The following CLTC variants were observed in gnomAD, a reference collection of about 807,000 sequenced individuals.
CLTC encodes clathrin heavy chain, also known as clathrin heavy chain 1.
Under a neutral mutation model 195.8 loss-of-function variants are expected in CLTC, and 16 were observed. The ratio of observed to expected loss-of-function variants is 0.08; its 90% CI spans 0.06 to 0.12. The LOEUF (loss-of-function observed/expected upper bound fraction) is 0.12. Ranked by LOEUF, CLTC falls within the 10% of genes least tolerant of loss-of-function variation. The pLI, the probability that CLTC is intolerant of heterozygous loss-of-function variation, is 1.00. For missense variants in CLTC, 796 were observed against 2,027.0 expected (o/e 0.39, Z 11.66); for synonymous variants, 667 against 689.4 (o/e 0.97, Z 0.51).
intron 6 of CLTC, among the ~76,000 whole-genome samples, chr17:59,656,708 C>CT (rs1567950676): frequency 1.7e-5 from 2 of 114,962 alleles, no homozygotes; most frequent in Non-Finnish European, 3.3e-5. Flanking sequence ...GAGTCTTGCT[C>CT]TGTCACCCAG....
Position 59,648,194 on chromosome 17 carries a change from T to G in CLTC, c.520-46T>G, listed in dbSNP as rs1330650455. 6.5e-7 allele frequency: 1 copy of G among 1,538,166 alleles called. No individual in the cohort carries two copies. The highest frequency in any genetic ancestry group is 8.8e-7 in the Non-Finnish European group (1 of 1,135,608). On this transcript the variant is annotated intron_variant, in intron 3 of 31. Coordinates refer to ENST00000269122, the MANE Select transcript of CLTC (RefSeq NM_004859.4). The surrounding 1 kb of genome is among the most constrained non-coding windows in gnomAD (Gnocchi z 4.5). ...TCATTACTTGATGAATCTGAGAGTT[T>G]TTGATTTATGGGTCTTCAAACGTTA... is the stretch of plus-strand genomic sequence containing the variant.
chr17:59,661,029 C>A (rs1376732055), intron 7 of CLTC, among the ~76,000 whole-genome samples: 1 of 150,158 alleles, frequency 6.7e-6, no homozygotes, highest in East Asian at 2.0e-4. Flanking sequence ...GAATTAACAC[C>A]TTACATTCCT....
At chr17:59,659,765 A>G (rs918986496) in intron 6 of CLTC, among the ~76,000 whole-genome samples, 1 of 151,906 alleles carries the variant, frequency 6.6e-6, no homozygotes, top group Non-Finnish European at 1.5e-5. Context: ...TCAAGCACCT[A>G]CCATGTTCCT....
intron 1 of CLTC, among the ~76,000 whole-genome samples, chr17:59,642,546 C>T (rs1187807508): frequency 1.3e-5 from 2 of 152,158 alleles, no homozygotes; most frequent in Admixed American, 1.3e-4. Flanking sequence ...CTTAAGGAGT[C>T]TAAGGACCCT....
At chr17:59,691,811 GATGTTTGAC>G (rs2143616818) in intron 31 of CLTC, among the ~76,000 whole-genome samples, 1 of 151,896 alleles carries the variant, frequency 6.6e-6, no homozygotes, top group African/African-American at 2.4e-5. Flanking sequence ...ATGGGAGCAA[GATGTTTGAC>G]ATGTTTGAGA....
chr17:59,636,670 T>C (rs1232954982), intron 1 of CLTC, among the ~76,000 whole-genome samples: 1 of 152,196 alleles, frequency 6.6e-6, no homozygotes, highest in East Asian at 1.9e-4. Context: ...TGCTTGTATT[T>C]GTTTCTTTTG....
At chr17:59,630,608 A>G (rs2031684690) in intron 1 of CLTC, among the ~76,000 whole-genome samples, 2 of 152,230 alleles carry the variant, frequency 1.3e-5, no homozygotes, top group Admixed American at 1.3e-4. Flanking sequence ...GCAACTGCTA[A>G]TTTGCTTTTT....
chr17:59,649,810 T>C (rs1468278072), intron 4 of CLTC, among the ~76,000 whole-genome samples: 1 of 152,198 alleles, frequency 6.6e-6, no homozygotes, highest in African/African-American at 2.4e-5. Flanking sequence ...AGCACTGATA[T>C]TTAGATCTGA....
At chr17:59,680,659 GATA>G (rs2033063782) in intron 18 of CLTC, among the ~76,000 whole-genome samples, 1 of 152,150 alleles carries the variant, frequency 6.6e-6, no homozygotes, top group Admixed American at 6.5e-5. Flanking sequence ...CCATTAAAGT[GATA>G]ATGATGATTG....
rs746912668 is a variant in CLTC at position 59,655,841 on chromosome 17, T to C, written c.796-13T>C. 2 of 1,521,986 alleles carry C rather than the reference T, an allele frequency of 1.3e-6. No homozygotes were observed. Among genetic ancestry groups the C allele is most frequent in the East Asian group, 2.5e-5 (1 of 40,448 alleles). 94.3% of individuals were successfully genotyped at this position (1,521,986 alleles called of 1,614,324 possible). A position where few individuals can be genotyped will look rare whatever the true frequency, so the allele number is the denominator to read the frequency against. On this transcript the variant is annotated splice_polypyrimidine_tract_variant and intron_variant, in intron 5 of 31. Coordinates refer to ENST00000269122, the MANE Select transcript of CLTC (RefSeq NM_004859.4). ...TTCATTATTTTACTAAAGTGTTGAT[T>C]TTCTTTCTGTAGATCAGTGAAAAGC...
rs2033437310 is a variant in CLTC at position 59,696,747 on chromosome 17, T to A, written c.*2895T>A. ...AACTACGTTCACTTTACAGTTACCA[T>A]AAATTCTTACTTGGGCCCACCCATT... On this transcript the variant is annotated 3_prime_UTR_variant, in exon 32 of 32. Coordinates refer to ENST00000269122, the MANE Select transcript of CLTC (RefSeq NM_004859.4). 1 of 206,458 alleles carries A rather than the reference T, an allele frequency of 4.8e-6. No homozygotes were observed. Among genetic ancestry groups the A allele is most frequent in the East Asian group, 7.3e-5 (1 of 13,634 alleles). The allele number at this position is 206,458 out of a possible 1,614,324, so 12.8% of individuals were successfully genotyped here.
chr17:59,666,668 G>A lies in CLTC; in HGVS notation c.1947+24G>A, dbSNP rs746785989. 3 of 1,600,670 alleles carry A rather than the reference G, an allele frequency of 1.9e-6. No homozygotes were observed. In the Middle Eastern group the frequency reaches 5.0e-4, roughly 267 times the overall value. On this transcript the variant is annotated intron_variant, in intron 12 of 31. Transcript: ENST00000269122. The surrounding 1 kb of genome is among the most constrained non-coding windows in gnomAD (Gnocchi z 4.9). Reference sequence around the variant, plus strand: ...AGGTATTTCAGTTTCTTACCTAATAGATGGTGTTAGTTGTGATTAATAGGT... The same window carrying A: ...AGGTATTTCAGTTTCTTACCTAATAAATGGTGTTAGTTGTGATTAATAGGT...
intron 7 of CLTC, among the ~76,000 whole-genome samples, chr17:59,661,179 A>T (rs922951963): frequency 1.4e-5 from 2 of 146,898 alleles, no homozygotes; most frequent in Non-Finnish European, 3.0e-5. Flanking sequence ...ATTCTGGATA[A>T]TTTTTTTTTT....
intron 16 of CLTC, 62 bp downstream of exon 16, chr17:59,674,905 T>A (rs2032931535): frequency 6.7e-7 from 1 of 1,486,022 alleles, no homozygotes; most frequent in African/African-American, 1.4e-5. Context: ...GATAAAAATA[T>A]AGGTAGTCAT....
chr17:59,687,881 G>T (rs1304942446), intron 30 of CLTC, among the ~76,000 whole-genome samples: 1 of 152,114 alleles, frequency 6.6e-6, no homozygotes, highest in African/African-American at 2.4e-5. Flanking sequence ...CAATATAAAT[G>T]AAACAAACTT....
chr17:59,637,435 G>A (rs1037035648), intron 1 of CLTC, among the ~76,000 whole-genome samples: 1 of 151,108 alleles, frequency 6.6e-6, no homozygotes, highest in East Asian at 2.0e-4. Context: ...TAGTAGAGAC[G>A]GGGTTTCACT....
At position 59,682,331 on chromosome 17, in the gene CLTC, A is replaced by T. The variant is rs535063340; in HGVS notation, c.3503A>T (p.Tyr1168Phe). 1.2e-6 allele frequency: 2 copies of T among 1,614,162 alleles called. No homozygotes were observed. Among genetic ancestry groups the T allele is most frequent in the African/African-American group, 1.3e-5 (1 of 75,054 alleles). ...QMARKKARES[Y>F]VETELIFALA... is the part of the protein sequence containing the mutation. ...GCCCGTAAGAAGGCTCGAGAGTCCT[A>T]TGTGGAGACAGAACTGATATTCGCA... Residue 1168 changes from tyrosine (Y) to phenylalanine (F), a missense_variant, in exon 22 of 32, where the codon TAT becomes TTT. By Grantham distance (22) the Tyr-to-Phe change is conservative. Around this residue, in one of 9 missense-constraint regions of CLTC, gnomAD observed 50 missense variants for 77.2 expected, o/e 0.65. Coordinates refer to ENST00000269122, the MANE Select transcript of CLTC (RefSeq NM_004859.4). This position sits in a 1 kb window ranked among gnomAD's most constrained non-coding sequence, Gnocchi z 6.8.
intron 14 of CLTC, among the ~76,000 whole-genome samples, chr17:59,672,117 T>C (rs2032860266): frequency 6.6e-6 from 1 of 152,202 alleles, no homozygotes; most frequent in African/African-American, 2.4e-5. Context: ...ATTTCAAGTT[T>C]GATCTTAAAA....
intron 31 of CLTC, among the ~76,000 whole-genome samples, chr17:59,693,212 C>T (rs1309785348): frequency 2.0e-5 from 3 of 151,868 alleles, no homozygotes; most frequent in Admixed American, 2.0e-4. Context: ...ACTAAAAATA[C>T]AAAAATTAGC....
Sources: gnomAD v4.1 joint callset for allele counts (sites outside exome capture counted in the v4.1 genomes callset) on GRCh38, gnomAD v4.1.1 for gene constraint, gnomAD v4.1.1 regional missense constraint, Gnocchi (gnomAD v3.1) non-coding constraint, MANE v1.5 for transcripts, NCBI Gene and HGNC (gene_info 2026-07-23, HGNC 2026-07-21) for gene names.